HDX: variants seen among roughly 807,000 people sequenced by gnomAD.
The protein encoded by HDX is chromosome X open reading frame 43.
Under a neutral mutation model 45.2 loss-of-function variants are expected in HDX, and 19 were observed. That is an observed-to-expected ratio of 0.42 (90% confidence interval 0.29 to 0.62). The LOEUF (loss-of-function observed/expected upper bound fraction) is 0.62. HDX is among the 20% of genes least tolerant of loss of function. HDX has a pLI of 0.20. For synonymous variants in HDX, 188 were observed against 172.8 expected, an observed-to-expected ratio of 1.09 and a Z score of -0.69; for missense variants, 532 against 493.9, an observed-to-expected ratio of 1.08 and a Z score of -0.73.
intron 2 of HDX, among the ~76,000 whole-genome samples, chrX:84,481,239 T>C (rs1987936344): frequency 8.9e-6 from 1 of 111,805 alleles, no homozygotes; most frequent in Admixed American, 9.5e-5. Context: ...TTAGCATTTA[T>C]TTAGTGATCT....
intron 9 of HDX, among the ~76,000 whole-genome samples, chrX:84,326,639 G>A (rs1436790980): frequency 9.0e-6 from 1 of 111,187 alleles, no homozygotes; most frequent in East Asian, 2.9e-4. Context: ...AAGGTTGGGT[G>A]CGTGGCTCAC....
chrX:84,415,341 C>T (rs1237147247), intron 5 of HDX, among the ~76,000 whole-genome samples: 1 of 112,019 alleles, frequency 8.9e-6, no homozygotes, highest in Non-Finnish European at 1.9e-5. Flanking sequence ...CTTGCCCTTT[C>T]CTGTTTTGCT....
chrX:84,331,449 A>G (rs1223201653), intron 9 of HDX, among the ~76,000 whole-genome samples: 2 of 111,657 alleles, frequency 1.8e-5, no homozygotes, highest in Non-Finnish European at 3.8e-5. Flanking sequence ...AATTATTTCC[A>G]AAGATAAATT....
intron 5 of HDX, among the ~76,000 whole-genome samples, chrX:84,410,029 G>A (rs1431752039): frequency 2.0e-5 from 2 of 99,261 alleles, no homozygotes; most frequent in Non-Finnish European, 4.1e-5. Flanking sequence ...CTCCAGCCTG[G>A]GTGACAGAGC....
At chrX:84,337,446 C>T (rs1434061045) in intron 7 of HDX, among the ~76,000 whole-genome samples, 1 of 111,047 alleles carries the variant, frequency 9.0e-6, no homozygotes, top group Admixed American at 9.6e-5. Context: ...TTTAATTTTT[C>T]TGTTTTCTTT....
intron 5 of HDX, among the ~76,000 whole-genome samples, chrX:84,434,697 A>G (rs1215185438): frequency 9.0e-6 from 1 of 111,663 alleles, no homozygotes; most frequent in Non-Finnish European, 1.9e-5. Flanking sequence ...ATATGATAGG[A>G]AGAGTTATCT....
At chrX:84,451,009 C>T (rs1331862416) in intron 4 of HDX, among the ~76,000 whole-genome samples, 1 of 111,309 alleles carries the variant, frequency 9.0e-6, no homozygotes, top group Non-Finnish European at 1.9e-5. Context: ...TGAAACAAAG[C>T]ATACCAAATA....
At chrX:84,478,645 G>T (rs750433079) in intron 2 of HDX, among the ~76,000 whole-genome samples, 5 of 111,699 alleles carry the variant, frequency 4.5e-5, no homozygotes, top group Non-Finnish European at 9.4e-5. Flanking sequence ...TTTGAGACCA[G>T]GAATTTGAAA....
At chrX:84,377,598 T>A (rs1270214865) in intron 5 of HDX, among the ~76,000 whole-genome samples, 5 of 111,002 alleles carry the variant, frequency 4.5e-5, no homozygotes, top group African/African-American at 1.6e-4. Flanking sequence ...CAAAATGCAA[T>A]TGATATACCA....
At chrX:84,348,840 A>T (rs1246684911) in intron 6 of HDX, among the ~76,000 whole-genome samples, 1 of 111,722 alleles carries the variant, frequency 9.0e-6, no homozygotes, top group Non-Finnish European at 1.9e-5. Flanking sequence ...ATAAAATCCC[A>T]ATAGGTTAGG....
intron 6 of HDX, among the ~76,000 whole-genome samples, chrX:84,344,800 A>C (rs1208081305): frequency 9.0e-6 from 1 of 111,157 alleles, no homozygotes; most frequent in African/African-American, 3.3e-5. Context: ...CTTTAACTTT[A>C]AAATATTTAT....
At chrX:84,351,833 T>C (rs1173408761) in intron 6 of HDX, among the ~76,000 whole-genome samples, 1 of 111,703 alleles carries the variant, frequency 9.0e-6, no homozygotes, top group Non-Finnish European at 1.9e-5. Flanking sequence ...ATGAGAAGAA[T>C]AGGGAAAATT....
intron 4 of HDX, among the ~76,000 whole-genome samples, chrX:84,451,857 C>T (rs756579244): frequency 9.0e-6 from 1 of 111,650 alleles, no homozygotes; most frequent in East Asian, 2.8e-4. Flanking sequence ...CCCAGGGATG[C>T]TAGGATGGTT....
At chrX:84,484,966 T>C (rs1047155899) in intron 2 of HDX, among the ~76,000 whole-genome samples, 5 of 87,176 alleles carry the variant, frequency 5.7e-5, no homozygotes, top group African/African-American at 3.0e-4. Context: ...TTCTAAAAAT[T>C]TTGATAAAGT....
intron 7 of HDX, among the ~76,000 whole-genome samples, chrX:84,338,528 G>A (rs970295893): frequency 4.5e-5 from 5 of 110,243 alleles, no homozygotes; most frequent in African/African-American, 1.3e-4. Flanking sequence ...TAATCCTCAT[G>A]TTGCATATTA....
chrX:84,381,928 C>A (rs4828256), intron 5 of HDX, among the ~76,000 whole-genome samples: 11,941 of 110,413 alleles, frequency 0.11, 625 homozygotes, highest in East Asian at 0.26. Flanking sequence ...ATAGAAGGAG[C>A]AAATATTTGC....
intron 5 of HDX, among the ~76,000 whole-genome samples, chrX:84,398,424 C>T (rs1043338705): frequency 9.0e-6 from 1 of 111,375 alleles, no homozygotes; most frequent in Admixed American, 9.5e-5. Context: ...GATTCCAATC[C>T]TAGTCTCTGA....
rs189193331 is a variant in HDX at position 84,471,595 on chromosome X, A to G, written c.148-2020T>C. ...TCAATTCTACCTCACCTGAAAGCAC[A>G]TTAAACCTTCCACTACCCTACATGT... On this transcript the variant is annotated intron_variant, in intron 3 of 10. Transcript: ENST00000373177. Among the ~76,000 whole-genome samples, 332 of 109,759 alleles carry G rather than the reference A, an allele frequency of 3.0e-3. 1 individual carries two copies. Among genetic ancestry groups the G allele is most frequent in the African/African-American group, 0.011 (329 of 30,288 alleles).
At chrX:84,458,305 A>T (rs1285014950) in intron 4 of HDX, among the ~76,000 whole-genome samples, 1 of 111,125 alleles carries the variant, frequency 9.0e-6, no homozygotes. Context: ...CCACAAAAAA[A>T]CCTCTTCTCC....
Sources: allele counts gnomAD v4.1 joint callset (sites outside exome capture counted in the v4.1 genomes callset), GRCh38; gene constraint gnomAD v4.1.1; transcripts MANE v1.5; gene names NCBI Gene and HGNC (gene_info 2026-07-23, HGNC 2026-07-21).